Variants in RGPD1 observed in about 807,000 individuals in gnomAD.
The protein encoded by RGPD1 is RANBP2-like and GRIP domain-containing protein 1.
Under a neutral mutation model 40.6 loss-of-function variants are expected in RGPD1, and 7 were observed. The observed-to-expected ratio is 0.17, with a 90% confidence interval of 0.10 to 0.32. The LOEUF (loss-of-function observed/expected upper bound fraction) is 0.32, where lower values mean the gene tolerates loss of function less well. Ranked by LOEUF, RGPD1 falls within the 10% of genes least tolerant of loss-of-function variation. The pLI is 1.00. For synonymous variants in RGPD1, 24 were observed against 167.0 expected (o/e 0.14, Z 6.60); for missense variants, 50 against 472.5 (o/e 0.11, Z 8.29).
chr2:86,942,176 G>A lies in RGPD1; in HGVS notation c.-61G>A. Reference sequence around the variant, plus strand: ...TTTCAGGCGCTTTCCTGTTGGAATTGGCGACTGCTGCGGGGCTGAGCGCTG... The same window carrying A: ...TTTCAGGCGCTTTCCTGTTGGAATTAGCGACTGCTGCGGGGCTGAGCGCTG... On this transcript the variant is annotated 5_prime_UTR_variant, in exon 1 of 23. Transcript: ENST00000641458. 1.3e-6 allele frequency: 2 copies of A among 1,536,744 alleles called. No individual in the cohort carries two copies. Among genetic ancestry groups the A allele is most frequent in the African/African-American group, 1.4e-5 (1 of 72,630 alleles).
chr2:86,942,636 G>A (rs1479228809), intron 1 of RGPD1, among the ~76,000 whole-genome samples: 1 of 139,976 alleles, frequency 7.1e-6, no homozygotes, highest in African/African-American at 2.6e-5. Context: ...GCTCTGTTGA[G>A]GCGCCGGCCT....
chr2:86,964,183 C>CA lies in RGPD1; in HGVS notation c.975+961dup, dbSNP rs1200105365. ...TCAGCCTCCCGAGTAGCTGGAACTA[C>CA]AAGCGCCCACCACCATGCCTGGCTA... is the stretch of plus-strand genomic sequence containing the variant. On this transcript the variant is annotated intron_variant, in intron 7 of 22. Transcript: ENST00000641458. Among the ~76,000 whole-genome samples, 29 of 107,962 alleles carry CA rather than the reference C, an allele frequency of 2.7e-4. 8 individuals carry two copies. The highest frequency in any genetic ancestry group is 5.3e-4 in the Non-Finnish European group (29 of 54,314). 70.8% of individuals were successfully genotyped at this position (107,962 alleles called of 152,430 possible). A position where few individuals can be genotyped will look rare whatever the true frequency, so the allele number is the denominator to read the frequency against.
At position 86,942,273 on chromosome 2, in the gene RGPD1, G is replaced by T; in HGVS notation, c.37G>T (p.Ala13Ser). 3 of 1,606,922 alleles carry T rather than the reference G, an allele frequency of 1.9e-6. No individual in the cohort carries two copies. Among genetic ancestry groups the T allele is most frequent in the East Asian group, 2.2e-5 (1 of 44,670 alleles). Reference sequence around the variant, plus strand: ...CAAGGCCTACGGGGAGCGGTACGTCGCCTCGGTGCAGGGCTCCGCCCCGTC... The same window carrying T: ...CAAGGCCTACGGGGAGCGGTACGTCTCCTCGGTGCAGGGCTCCGCCCCGTC... ...RSKAYGERYV[A>S]SVQGSAPSPG... The change falls in exon 1 of 23, where the codon GCC becomes TCC. Residue 13 changes from alanine (A) to serine (S), a missense_variant. By Grantham distance (99) the Ala-to-Ser change is moderately conservative. Coordinates refer to ENST00000641458, the MANE Select transcript of RGPD1 (RefSeq NM_001382344.1).
Position 87,008,862 on chromosome 2 carries a change from G to A in RGPD1, c.5237-3651G>A, listed in dbSNP as rs1220952803. ...ATATGGCCAATGAAAGAATCAGTGAGCTCAAAGAGATGTCAATAGATACTT... is the reference window on the plus strand; with the variant it reads ...ATATGGCCAATGAAAGAATCAGTGAACTCAAAGAGATGTCAATAGATACTT... On this transcript the variant is annotated intron_variant, in intron 22 of 22. Coordinates refer to ENST00000641458, the MANE Select transcript of RGPD1 (RefSeq NM_001382344.1). 5.2e-5 allele frequency among the ~76,000 whole-genome samples: 3 copies of A among 58,200 alleles called. 1 individual carries two copies. The highest frequency in any genetic ancestry group is 7.5e-5 in the African/African-American group (1 of 13,398). 38.2% of individuals were successfully genotyped at this position (58,200 alleles called of 152,430 possible).
chr2:86,970,537 CT>C (rs1317355284), intron 8 of RGPD1, among the ~76,000 whole-genome samples: 4 of 6,584 alleles, frequency 6.1e-4, no homozygotes, highest in African/African-American at 2.1e-3. Flanking sequence ...TTTGCCTCTT[CT>C]TTTTTTTTTT....
chr2:86,925,053 T>C (rs2104683323), intron 1 of RGPD1, among the ~76,000 whole-genome samples: 1 of 152,350 alleles, frequency 6.6e-6, no homozygotes, highest in South Asian at 2.1e-4. Flanking sequence ...CTCTTTCATG[T>C]GCTCATTAGC....
Sources: gnomAD v4.1 joint callset for allele counts (sites outside exome capture counted in the v4.1 genomes callset) on GRCh38, gnomAD v4.1.1 for gene constraint, MANE v1.5 for transcripts, NCBI Gene and HGNC (gene_info 2026-07-23, HGNC 2026-07-21) for gene names.